Variants in PRMT3 observed in about 807,000 individuals in gnomAD.
PRMT3 encodes the protein protein arginine N-methyltransferase 3.
Under a neutral mutation model 71.9 loss-of-function variants are expected in PRMT3, and 62 were observed. The ratio of observed to expected loss-of-function variants is 0.86; its 90% CI spans 0.70 to 1.07. PRMT3 has a LOEUF of 1.07. Ranked by LOEUF, PRMT3 falls within the 50% of genes least tolerant of loss-of-function variation. PRMT3 has a pLI of 0.00. For missense variants in PRMT3, 663 were observed against 643.0 expected, an observed-to-expected ratio of 1.03 and a Z score of -0.34; for synonymous variants, 213 against 220.4, an observed-to-expected ratio of 0.97 and a Z score of 0.30.
intron 15 of PRMT3, among the ~76,000 whole-genome samples, chr11:20,498,980 T>C (rs1851397138): frequency 6.6e-6 from 1 of 152,310 alleles, no homozygotes; most frequent in Middle Eastern, 3.4e-3. Context: ...ACTTGGATCT[T>C]AACAAAGCAG....
At chr11:20,505,087 G>T (rs996425485) in intron 15 of PRMT3, among the ~76,000 whole-genome samples, 2 of 152,114 alleles carry the variant, frequency 1.3e-5, no homozygotes, top group Admixed American at 1.3e-4. Flanking sequence ...TTCATTGCTA[G>T]TACGTAGAAA....
chr11:20,489,662 A>G (rs1231860275), intron 13 of PRMT3, among the ~76,000 whole-genome samples: 2 of 152,184 alleles, frequency 1.3e-5, no homozygotes, highest in African/African-American at 2.4e-5. Context: ...TTCCTAAATC[A>G]GCTGATATTT....
intron 9 of PRMT3, among the ~76,000 whole-genome samples, chr11:20,413,309 A>T (rs1849234223): frequency 6.6e-6 from 1 of 152,194 alleles, no homozygotes; most frequent in Non-Finnish European, 1.5e-5. Context: ...AATTGTTAAT[A>T]TCACTGCAGT....
chr11:20,490,706 A>C (rs529281147), intron 13 of PRMT3, among the ~76,000 whole-genome samples: 93 of 152,360 alleles, frequency 6.1e-4, no homozygotes, highest in Non-Finnish European at 1.1e-3. Context: ...TTATAGAAGT[A>C]TAATTACAGA....
chr11:20,393,813 CCAAA>C (rs1364150612), intron 5 of PRMT3: 10 of 151,964 alleles, frequency 6.6e-5, no homozygotes, highest in African/African-American at 1.9e-4. Context: ...CAGAAACTGG[CCAAA>C]CAGTTTGAAG....
At chr11:20,423,261 T>A (rs1470808974) in intron 9 of PRMT3, among the ~76,000 whole-genome samples, 1 of 152,208 alleles carries the variant, frequency 6.6e-6, no homozygotes, top group Non-Finnish European at 1.5e-5. Flanking sequence ...TGTACATTTA[T>A]GTCAGTAGCC....
intron 9 of PRMT3, among the ~76,000 whole-genome samples, chr11:20,409,760 G>T (rs1254101300): frequency 1.3e-5 from 2 of 150,588 alleles, no homozygotes; most frequent in Non-Finnish European, 3.0e-5. Flanking sequence ...GCTTTTTCTA[G>T]TTCTTATGAT....
At chr11:20,393,576 T>C (rs573944882) in intron 5 of PRMT3, among the ~76,000 whole-genome samples, 3 of 152,352 alleles carry the variant, frequency 2.0e-5, no homozygotes, top group Admixed American at 6.5e-5. Flanking sequence ...ATCCAGGTGA[T>C]TTGAACATCC....
Position 20,389,736 on chromosome 11 carries a change from T to G in PRMT3, c.165-8T>G, listed in dbSNP as rs762942159. Reference sequence around the variant, plus strand: ...ACTATTCCATGAAGCTATTGCTTGATTTTTCAGGTTATTCACATCTGCTGA... The same window carrying G: ...ACTATTCCATGAAGCTATTGCTTGAGTTTTCAGGTTATTCACATCTGCTGA... On this transcript the variant is annotated splice_region_variant and splice_polypyrimidine_tract_variant and intron_variant, in intron 2 of 15. Transcript: ENST00000331079. 4 of 1,597,492 alleles carry G rather than the reference T, an allele frequency of 2.5e-6. No homozygotes were observed. The African/African-American group carries it at 5.4e-5, about 21-fold the overall frequency.
intron 13 of PRMT3, among the ~76,000 whole-genome samples, chr11:20,482,433 G>T (rs1179086928): frequency 2.0e-5 from 3 of 152,032 alleles, no homozygotes; most frequent in African/African-American, 7.2e-5. Flanking sequence ...TGAGAAATTA[G>T]CAGGACTAGA....
At chr11:20,403,534 C>A (rs1284830393) in intron 8 of PRMT3, among the ~76,000 whole-genome samples, 2 of 151,784 alleles carry the variant, frequency 1.3e-5, no homozygotes, top group Admixed American at 6.6e-5. Context: ...TGATCTTATA[C>A]CCTGTGTGTG....
chr11:20,496,264 A>G (rs1413949718), intron 15 of PRMT3, among the ~76,000 whole-genome samples: 1 of 152,140 alleles, frequency 6.6e-6, no homozygotes, highest in African/African-American at 2.4e-5. Context: ...ATCAAAAACA[A>G]CATTGAAGCC....
intron 5 of PRMT3, among the ~76,000 whole-genome samples, chr11:20,394,801 A>C (rs934641516): frequency 2.0e-5 from 3 of 152,090 alleles, no homozygotes; most frequent in African/African-American, 4.8e-5. Context: ...TTAATTCCAC[A>C]CAAGAGTGAG....
chr11:20,495,807 AAT>A (rs1851319406), intron 15 of PRMT3, among the ~76,000 whole-genome samples: 1 of 152,210 alleles, frequency 6.6e-6, no homozygotes, highest in Non-Finnish European at 1.5e-5. Flanking sequence ...ACAAAAGCTG[AAT>A]GTATAACAAG....
At chr11:20,429,282 C>A (rs886752231) in intron 10 of PRMT3, among the ~76,000 whole-genome samples, 2 of 152,114 alleles carry the variant, frequency 1.3e-5, no homozygotes, top group African/African-American at 2.4e-5. Context: ...TTGGGCAGTT[C>A]ACAATAGGGT....
intron 11 of PRMT3, among the ~76,000 whole-genome samples, chr11:20,459,182 C>A (rs1018310202): frequency 6.6e-6 from 1 of 151,986 alleles, no homozygotes; most frequent in Non-Finnish European, 1.5e-5. Context: ...TGACTATGGG[C>A]CATAGTCTGC....
chr11:20,457,367 CA>C (rs1413127676), intron 11 of PRMT3, among the ~76,000 whole-genome samples: 1 of 152,140 alleles, frequency 6.6e-6, no homozygotes, highest in Non-Finnish European at 1.5e-5. Context: ...TAATGGAAAG[CA>C]TATGGATTTC....
At chr11:20,397,811 T>C in intron 7 of PRMT3, 90 bp downstream of exon 7, 1 of 1,369,528 alleles carries the variant, frequency 7.3e-7, no homozygotes, top group South Asian at 1.5e-5. Flanking sequence ...ATAGGAGACC[T>C]CTTTTTTTTG....
chr11:20,480,238 A>G (rs1850898214), intron 13 of PRMT3, among the ~76,000 whole-genome samples: 1 of 152,198 alleles, frequency 6.6e-6, no homozygotes, highest in South Asian at 2.1e-4. Context: ...TAGTGGTTAT[A>G]CAAGTGTGTT....
Sources: gnomAD v4.1 joint callset for allele counts (sites outside exome capture counted in the v4.1 genomes callset) on GRCh38, gnomAD v4.1.1 for gene constraint, MANE v1.5 for transcripts, NCBI Gene and HGNC (gene_info 2026-07-23, HGNC 2026-07-21) for gene names.